The following NHLH2 variants were observed in gnomAD, a reference collection of about 807,000 sequenced individuals.
NHLH2 encodes helix-loop-helix protein 2.
NHLH2 carries 7 observed loss-of-function variants against 7.3 expected under a neutral mutation model. The observed-to-expected ratio is 0.96, with a 90% CI of 0.55 to 1.81. The LOEUF (loss-of-function observed/expected upper bound fraction) is 1.81. Among genes scored for constraint, NHLH2 ranks in the 40% most tolerant of loss-of-function variants. NHLH2 has a pLI of 0.00. For synonymous variants in NHLH2, 93 were observed against 91.6 expected (o/e 1.01, Z -0.09); for missense variants, 155 against 194.0 (o/e 0.80, Z 1.19).
Position 115,840,272 on chromosome 1 carries a change from G to T in NHLH2, c.-65C>A, listed in dbSNP as rs1651034910. ...CAATCTTTAGAGTTAAAATTCCAAG[G>T]AATAGCGAGGGGAGATTCCGGAAAA... On this transcript the variant is annotated 5_prime_UTR_variant, in exon 2 of 3. Coordinates refer to ENST00000320238, the MANE Select transcript of NHLH2 (RefSeq NM_005599.3). The T allele has an allele frequency of 6.0e-6, 1 of 166,938 alleles. No individual in the cohort carries two copies. Among genetic ancestry groups the T allele is most frequent in the Non-Finnish European group, 1.5e-5 (1 of 68,102 alleles). The allele number at this position is 166,938 out of a possible 1,614,324, so 10.3% of individuals were successfully genotyped here. A position where few individuals can be genotyped will look rare whatever the true frequency, so the allele number is the denominator to read the frequency against.
In NHLH2 at chr1:115,837,725, G is replaced by C; in HGVS notation, c.*240C>G. 1.9e-6 allele frequency: 1 copy of C among 513,254 alleles called. No individual in the cohort carries two copies. Among genetic ancestry groups the C allele is most frequent in the South Asian group, 2.4e-5 (1 of 41,618 alleles). 31.8% of individuals were successfully genotyped at this position (513,254 alleles called of 1,614,324 possible). A position where few individuals can be genotyped will look rare whatever the true frequency, so the allele number is the denominator to read the frequency against. On this transcript the variant is annotated 3_prime_UTR_variant, in exon 3 of 3. Coordinates refer to ENST00000320238, the MANE Select transcript of NHLH2 (RefSeq NM_005599.3). The stretch of plus-strand genomic sequence containing the variant: ...GTCTCCACGAGGTTCTCCTGGCCTG[G>C]AAAATCCCCCCTGCGAGCCCCCGGG...
At position 115,840,393 on chromosome 1, in the gene NHLH2, T is replaced by C. The variant is rs1396082941; in HGVS notation, c.-186A>G. 6.0e-6 allele frequency: 1 copy of C among 167,058 alleles called. No homozygotes were observed. The highest frequency in any genetic ancestry group is 2.4e-5 in the African/African-American group (1 of 41,472). The allele number at this position is 167,058 out of a possible 1,614,324, so 10.3% of individuals were successfully genotyped here. ...CGAGGGACAATAATATCTCAGGATG[T>C]AGACGATATGAATGATTGTTCACTT... is the stretch of plus-strand genomic sequence containing the variant. On this transcript the variant is annotated 5_prime_UTR_variant, in exon 2 of 3. Coordinates refer to ENST00000320238, the MANE Select transcript of NHLH2 (RefSeq NM_005599.3).
intron 2 of NHLH2, chr1:115,838,978 G>A (rs1317637740): frequency 6.0e-6 from 1 of 167,180 alleles, no homozygotes; most frequent in Non-Finnish European, 1.5e-5. Flanking sequence ...CTGGAGCGCA[G>A]GCGGAGAGCC....
In NHLH2 at chr1:115,837,073, C is replaced by A. The variant is rs1452655167; in HGVS notation, c.*892G>T. 1 of 152,228 alleles carries A rather than the reference C, an allele frequency of 6.6e-6. No homozygotes were observed. The highest frequency in any genetic ancestry group is 1.5e-5 in the Non-Finnish European group (1 of 67,984). The allele number at this position is 152,228 out of a possible 1,614,324, so 9.4% of individuals were successfully genotyped here. On this transcript the variant is annotated 3_prime_UTR_variant, in exon 3 of 3. Coordinates refer to ENST00000320238, the MANE Select transcript of NHLH2 (RefSeq NM_005599.3). ...CTATAAATAAATTGGCACAGAGTATCCAAAGTAAAAGTATCACCACTCTGA... is the reference window on the plus strand; with the variant it reads ...CTATAAATAAATTGGCACAGAGTATACAAAGTAAAAGTATCACCACTCTGA...
In NHLH2 at chr1:115,840,218, T is replaced by G. The variant is rs1035509252; in HGVS notation, c.-11A>C. On this transcript the variant is annotated splice_region_variant and 5_prime_UTR_variant, in exon 2 of 3. Transcript: ENST00000320238. ...AAAATTATTTAAAGGAGTCTTACCT[T>G]GCAAAAGCCTTTTTGATAATCTGTT... The G allele has an allele frequency of 6.6e-5, 11 of 167,098 alleles. No individual in the cohort carries two copies. Among genetic ancestry groups the G allele is most frequent in the Admixed American group, 4.6e-4 (7 of 15,288 alleles). 10.4% of individuals were successfully genotyped at this position (167,098 alleles called of 1,614,324 possible). A position where few individuals can be genotyped will look rare whatever the true frequency, so the allele number is the denominator to read the frequency against.
At chr1:115,831,719 A>C (rs1970552), downstream of NHLH2, among the ~76,000 whole-genome samples, 3 of 151,796 alleles carry the variant, frequency 2.0e-5, no homozygotes, top group East Asian at 5.9e-4. Flanking sequence ...TCAGGAGTTC[A>C]AGACCAGCCT....
At position 115,837,906 on chromosome 1, in the gene NHLH2, C is replaced by G. The variant is rs2101198463; in HGVS notation, c.*59G>C. The stretch of plus-strand genomic sequence containing the variant: ...CCGCCACCCGAGCGACGGCGCCCGT[C>G]CGGATCCGTAGCGTTTCGCGGACGC... On this transcript the variant is annotated 3_prime_UTR_variant, in exon 3 of 3. Transcript: ENST00000320238. 1.3e-6 allele frequency: 2 copies of G among 1,544,708 alleles called. No individual in the cohort carries two copies. Among genetic ancestry groups the G allele is most frequent in the East Asian group, 5.1e-5 (2 of 39,188 alleles).
downstream of NHLH2, among the ~76,000 whole-genome samples, chr1:115,834,693 C>A (rs1286300443): frequency 6.6e-6 from 1 of 152,088 alleles, no homozygotes; most frequent in African/African-American, 2.4e-5. Flanking sequence ...TGTTCTTTAC[C>A]CTGCTTATTT....
chr1:115,840,878 C>A (rs941629234), intron 1 of NHLH2, 70 bp downstream of exon 1: 2 of 166,982 alleles, frequency 1.2e-5, no homozygotes, highest in African/African-American at 4.8e-5. Flanking sequence ...TAAATAGACA[C>A]CTATTTTCCA....
At chr1:115,834,710 A>C (rs1440760574), downstream of NHLH2, among the ~76,000 whole-genome samples, 2 of 152,168 alleles carry the variant, frequency 1.3e-5, no homozygotes, top group Admixed American at 6.5e-5. Context: ...ATTTTTCTTC[A>C]TAGCATTTAG....
chr1:115,834,862 A>C (rs1319439847), downstream of NHLH2, among the ~76,000 whole-genome samples: 2 of 152,190 alleles, frequency 1.3e-5, no homozygotes, highest in African/African-American at 4.8e-5. Context: ...ACAAAGGTTA[A>C]ATGTAAGAAT....
At chr1:115,832,288 T>G (rs1650772380), downstream of NHLH2, among the ~76,000 whole-genome samples, 2 of 152,210 alleles carry the variant, frequency 1.3e-5, no homozygotes, top group South Asian at 4.1e-4. Flanking sequence ...TTACCTATGC[T>G]TCCTGTCTTA....
At chr1:115,831,815 G>A (rs893403229), downstream of NHLH2, among the ~76,000 whole-genome samples, 5 of 152,002 alleles carry the variant, frequency 3.3e-5, no homozygotes, top group South Asian at 4.2e-4. Flanking sequence ...CCAGCTACTC[G>A]GGAGGCTGAG....
chr1:115,838,524 G>A (rs2101200695), intron 2 of NHLH2, 144 bp from the exon 3 acceptor site: 2 of 888,294 alleles, frequency 2.3e-6, no homozygotes, highest in Admixed American at 2.7e-5. Flanking sequence ...CGCGACGCGG[G>A]AGGGCGCCGA....
At chr1:115,838,511 G>C in intron 2 of NHLH2, 131 bp from the exon 3 acceptor site, 1 of 1,030,922 alleles carries the variant, frequency 9.7e-7, no homozygotes, top group Non-Finnish European at 1.4e-6. Flanking sequence ...CAGCAGGCCG[G>C]CGCGCGACGC....
chr1:115,838,498 C>T, intron 2 of NHLH2, 118 bp from the exon 3 acceptor site: 1 of 1,174,192 alleles, frequency 8.5e-7, no homozygotes. Flanking sequence ...GGCCCCCTCC[C>T]CACAGCAGGC....
chr1:115,834,447 G>A (rs1243714384), downstream of NHLH2, among the ~76,000 whole-genome samples: 3 of 152,152 alleles, frequency 2.0e-5, no homozygotes, highest in African/African-American at 4.8e-5. Context: ...GATGAGGCTG[G>A]GGCCAGCTGC....
rs1650932474 is a variant in NHLH2, at chr1:115,838,145, G to T, written c.228C>A (p.Ala76=). The stretch of plus-strand genomic sequence containing the variant: ...GGGTGGCGTGGGCCGAGCGGTACTT[G>T]GCCGTGGCGCGCCGGCGGCGGCGCT... ...EEKRRRRRAT[A]KYRSAHATRE... Residue 76 remains alanine, a synonymous_variant, in exon 3 of 3, where the codon GCC becomes GCA. Transcript: ENST00000320238. 9 of 1,596,312 alleles carry T rather than the reference G, an allele frequency of 5.6e-6. No homozygotes were observed. In the East Asian group the frequency reaches 2.1e-4, roughly 37 times the overall value.
At chr1:115,833,555 C>A (rs1650799920), downstream of NHLH2, among the ~76,000 whole-genome samples, 1 of 152,146 alleles carries the variant, frequency 6.6e-6, no homozygotes. Flanking sequence ...TAGGGGCAGG[C>A]ACTTTGATAA....
Sources: allele counts gnomAD v4.1 joint callset (sites outside exome capture counted in the v4.1 genomes callset), GRCh38; gene constraint gnomAD v4.1.1; transcripts MANE v1.5; gene names NCBI Gene and HGNC (gene_info 2026-07-23, HGNC 2026-07-21).